Variants in CNTNAP2 observed in about 807,000 individuals in gnomAD.
The protein encoded by CNTNAP2 is contactin associated protein 2, also known as contactin-associated protein-like 2.
In CNTNAP2, 98 loss-of-function variants were observed where a neutral mutation model predicts 155.2. The observed-to-expected ratio is 0.63, with a 90% CI of 0.54 to 0.75. The LOEUF (loss-of-function observed/expected upper bound fraction) is 0.75. Among genes scored for constraint, CNTNAP2 ranks in the 30% least tolerant of loss-of-function variants. The probability of loss-of-function intolerance (pLI) is 0.00; values close to 1 mark genes in which losing one functional copy is unlikely to be tolerated. For synonymous variants in CNTNAP2, 651 were observed against 631.2 expected (o/e 1.03, Z -0.47); for missense variants, 1,727 against 1,688.1 (o/e 1.02, Z -0.40).
chr7:147,221,579 T>C (rs1054764958), intron 8 of CNTNAP2, among the ~76,000 whole-genome samples: 3 of 152,112 alleles, frequency 2.0e-5, no homozygotes, highest in African/African-American at 7.2e-5. Flanking sequence ...GGTGAAGCCC[T>C]TGTGTGAAGT....
chr7:146,416,287 C>A (rs956586582), intron 1 of CNTNAP2, among the ~76,000 whole-genome samples: 4 of 150,018 alleles, frequency 2.7e-5, no homozygotes, highest in African/African-American at 9.8e-5. Context: ...TATATATATA[C>A]CTATATATAT....
intron 3 of CNTNAP2, among the ~76,000 whole-genome samples, chr7:146,981,144 G>A (rs1276675949): frequency 6.6e-6 from 1 of 152,090 alleles, no homozygotes; most frequent in Non-Finnish European, 1.5e-5. Context: ...TGATACTTTA[G>A]AAATTTGTGC....
chr7:148,061,016 G>A (rs1267372000), intron 15 of CNTNAP2, among the ~76,000 whole-genome samples: 1 of 152,028 alleles, frequency 6.6e-6, no homozygotes, highest in Non-Finnish European at 1.5e-5. Flanking sequence ...GAGACCAAAA[G>A]GTTTTTCATT....
At chr7:147,632,560 G>A (rs1459016307) in intron 12 of CNTNAP2, among the ~76,000 whole-genome samples, 2 of 152,180 alleles carry the variant, frequency 1.3e-5, no homozygotes, top group Non-Finnish European at 2.9e-5. Flanking sequence ...CCTCAGCCAT[G>A]TGAAACTAAG....
intron 20 of CNTNAP2, among the ~76,000 whole-genome samples, chr7:148,262,201 C>T (rs1796575429): frequency 6.6e-6 from 1 of 152,122 alleles, no homozygotes; most frequent in East Asian, 1.9e-4. Flanking sequence ...AAAAGCAGGG[C>T]TAATTCAGTT....
intron 1 of CNTNAP2, among the ~76,000 whole-genome samples, chr7:146,485,341 T>G (rs557720109): frequency 1.3e-5 from 2 of 152,340 alleles, no homozygotes; most frequent in African/African-American, 4.8e-5. Context: ...ACCTGTGCTA[T>G]GTCCTGTGTA....
At chr7:147,084,706 T>C (rs1376975078) in intron 4 of CNTNAP2, among the ~76,000 whole-genome samples, 1 of 147,762 alleles carries the variant, frequency 6.8e-6, no homozygotes, top group Non-Finnish European at 1.5e-5. Flanking sequence ...ACATAATGCA[T>C]ATATAATATA....
At chr7:148,229,848 C>T in intron 20 of CNTNAP2, 69 bp downstream of exon 20, 1 of 1,588,348 alleles carries the variant, frequency 6.3e-7, no homozygotes, top group South Asian at 1.1e-5. Flanking sequence ...TAATGCTTGG[C>T]CATTGGTTTT....
rs79013284 is a variant in CNTNAP2, at chr7:146,136,561, G to A, written c.97+19588G>A. ...GAGGAAATTAGTGTGGCGTGGAGGG[G>A]CACCAGGGGTGGTAGAGAGTTCATG... On this transcript the variant is annotated intron_variant, in intron 1 of 23. Transcript: ENST00000361727. Among the ~76,000 whole-genome samples, 96 of 152,194 alleles carry A rather than the reference G, an allele frequency of 6.3e-4. 3 individuals are homozygous for A. The East Asian group carries it at 0.014, about 22-fold the overall frequency.
intron 13 of CNTNAP2, among the ~76,000 whole-genome samples, chr7:147,893,527 T>A (rs888141238): frequency 6.6e-6 from 1 of 152,150 alleles, no homozygotes; most frequent in African/African-American, 2.4e-5. Flanking sequence ...TTTTCCCAGG[T>A]CAGTATATGG....
At chr7:146,570,646 T>C (rs1459748615) in intron 1 of CNTNAP2, among the ~76,000 whole-genome samples, 1 of 152,166 alleles carries the variant, frequency 6.6e-6, no homozygotes, top group Admixed American at 6.5e-5. Flanking sequence ...GGTGAAATCC[T>C]ATATGAAATT....
At chr7:147,026,928 A>G (rs1264051517) in intron 3 of CNTNAP2, among the ~76,000 whole-genome samples, 1 of 147,718 alleles carries the variant, frequency 6.8e-6, no homozygotes, top group African/African-American at 2.5e-5. Flanking sequence ...AAAAAAAAAA[A>G]GTCCTTAAAA....
rs1377410894 is a variant in CNTNAP2, at chr7:146,946,472, C to T, written c.403-97435C>T. Reference sequence around the variant, plus strand: ...AAAATCTTCATTTCAAATAAAGTATCCAAAACAAAAATTTGATTATTGAGC... The same window carrying T: ...AAAATCTTCATTTCAAATAAAGTATTCAAAACAAAAATTTGATTATTGAGC... On this transcript the variant is annotated intron_variant, in intron 3 of 23. Transcript: ENST00000361727. Among the ~76,000 whole-genome samples the T allele has an allele frequency of 3.9e-5, 6 of 151,936 alleles. No individual in the cohort carries two copies. The East Asian group carries it at 1.2e-3, about 29-fold the overall frequency.
chr7:146,986,777 AT>A (rs1283486440), intron 3 of CNTNAP2, among the ~76,000 whole-genome samples: 2 of 151,838 alleles, frequency 1.3e-5, no homozygotes, highest in Admixed American at 6.6e-5. Context: ...GATGTTGAGC[AT>A]TTTTTCATAT....
intron 21 of CNTNAP2, among the ~76,000 whole-genome samples, chr7:148,331,218 GATGGATGGAGTGGATGGATGGA>G (rs1797999076): frequency 7.0e-6 from 1 of 143,846 alleles, no homozygotes; most frequent in South Asian, 2.3e-4. Context: ...GGATGGAATG[GATGGATGGAGTGGATGGATGGA>G]ACAGATGGAT....
intron 3 of CNTNAP2, among the ~76,000 whole-genome samples, chr7:146,931,788 A>G (rs1379903417): frequency 5.3e-5 from 8 of 151,296 alleles, no homozygotes; most frequent in African/African-American, 1.2e-4. Flanking sequence ...ACAAACTACC[A>G]TCAGAGAATA....
At chr7:147,293,152 A>G (rs1447117667) in intron 8 of CNTNAP2, among the ~76,000 whole-genome samples, 1 of 152,156 alleles carries the variant, frequency 6.6e-6, no homozygotes, top group Non-Finnish European at 1.5e-5. Flanking sequence ...TAAAGTTTCT[A>G]TTCAAGTGAT....
intron 8 of CNTNAP2, among the ~76,000 whole-genome samples, chr7:147,221,051 G>A (rs1470775835): frequency 6.6e-6 from 1 of 151,466 alleles, no homozygotes; most frequent in Non-Finnish European, 1.5e-5. Context: ...TTGTTGTCCT[G>A]GAGTTGCAAT....
At chr7:146,961,652 A>G (rs1447178582) in intron 3 of CNTNAP2, among the ~76,000 whole-genome samples, 3 of 152,152 alleles carry the variant, frequency 2.0e-5, no homozygotes, top group Non-Finnish European at 4.4e-5. Flanking sequence ...GAACGAAAAT[A>G]ATATCGTCAT....
Sources: allele counts gnomAD v4.1 joint callset (sites outside exome capture counted in the v4.1 genomes callset), GRCh38; gene constraint gnomAD v4.1.1; transcripts MANE v1.5; gene names NCBI Gene and HGNC (gene_info 2026-07-23, HGNC 2026-07-21).